The following MAGI2 variants were observed in gnomAD, a reference collection of about 807,000 sequenced individuals.
MAGI2 encodes membrane-associated guanylate kinase, WW and PDZ domain-containing protein 2.
In MAGI2, 35 loss-of-function variants were observed where a neutral mutation model predicts 133.3. The ratio of observed to expected loss-of-function variants is 0.26; its 90% CI spans 0.20 to 0.35. MAGI2 has a LOEUF of 0.35. Ranked by LOEUF, MAGI2 falls within the 10% of genes least tolerant of loss-of-function variation. The probability of loss-of-function intolerance (pLI) is 1.00; values close to 1 mark genes in which losing one functional copy is unlikely to be tolerated. For missense variants in MAGI2, 1,636 were observed against 1,863.4 expected (o/e 0.88, Z 2.25); for synonymous variants, 729 against 710.6 (o/e 1.03, Z -0.41).
chr7:78,587,458 A>G (rs749258558), intron 3 of MAGI2, among the ~76,000 whole-genome samples: 1 of 152,240 alleles, frequency 6.6e-6, no homozygotes, highest in Non-Finnish European at 1.5e-5. Context: ...CATTAAAAAA[A>G]AGTGGTTCAT....
intron 2 of MAGI2, among the ~76,000 whole-genome samples, chr7:78,798,688 C>G (rs1331835147): frequency 6.6e-6 from 1 of 152,106 alleles, no homozygotes; most frequent in Non-Finnish European, 1.5e-5. Context: ...ACGGCCCATT[C>G]CTTTCTTTGA....
chr7:78,682,911 G>A (rs1292145066), intron 2 of MAGI2, among the ~76,000 whole-genome samples: 1 of 152,114 alleles, frequency 6.6e-6, no homozygotes, highest in African/African-American at 2.4e-5. Flanking sequence ...ATGTAAAACT[G>A]TTTTGCTTTA....
At chr7:79,353,815 A>C (rs1318121723) in intron 1 of MAGI2, 1 of 223,642 alleles carries the variant, frequency 4.5e-6, no homozygotes, top group Non-Finnish European at 9.2e-6. Context: ...GGGTGCTGGC[A>C]GGGGGTGGTG....
Position 78,610,130 on chromosome 7 carries a change from C to A in MAGI2, c.538+16990G>T, listed in dbSNP as rs114703738. 2.5e-3 allele frequency among the ~76,000 whole-genome samples: 385 copies of A among 152,276 alleles called. 1 individual carries two copies. Among genetic ancestry groups the A allele is most frequent in the African/African-American group, 8.7e-3 (360 of 41,560 alleles). Reference sequence around the variant, plus strand: ...CTTGGCTATGGGAGAAATGGTACCACATATTGGATACTAATTCAGAGCATA... The same window carrying A: ...CTTGGCTATGGGAGAAATGGTACCAAATATTGGATACTAATTCAGAGCATA... On this transcript the variant is annotated intron_variant, in intron 3 of 21. Transcript: ENST00000354212.
chr7:78,777,906 C>T (rs539892090), intron 2 of MAGI2, among the ~76,000 whole-genome samples: 33 of 152,226 alleles, frequency 2.2e-4, no homozygotes, highest in African/African-American at 7.7e-4. Context: ...TTTCTAAGTC[C>T]TCTGAAGGTA....
intron 20 of MAGI2, among the ~76,000 whole-genome samples, chr7:78,113,033 T>C (rs1273591306): frequency 1.3e-5 from 2 of 151,854 alleles, no homozygotes; most frequent in African/African-American, 4.8e-5. Flanking sequence ...GGGAGCAACA[T>C]GTGCAAAAGC....
At chr7:78,236,200 C>T (rs1584505025) in intron 10 of MAGI2, among the ~76,000 whole-genome samples, 1 of 152,124 alleles carries the variant, frequency 6.6e-6, no homozygotes, top group East Asian at 1.9e-4. Flanking sequence ...ATATTTATAA[C>T]AGCACCTGGC....
chr7:78,234,739 AAG>A (rs71085518), intron 10 of MAGI2, among the ~76,000 whole-genome samples: 23,451 of 152,026 alleles, frequency 0.15, 2,316 homozygotes, highest in Middle Eastern at 0.26. Context: ...TTCAAAAAGT[AAG>A]AGCCAACTCA....
intron 2 of MAGI2, among the ~76,000 whole-genome samples, chr7:78,890,195 C>T (rs1796625722): frequency 1.3e-5 from 2 of 152,072 alleles, no homozygotes; most frequent in Admixed American, 1.3e-4. Flanking sequence ...AATATATTGG[C>T]ACCCAGTACA....
At chr7:78,662,602 A>G (rs1006166828) in intron 2 of MAGI2, among the ~76,000 whole-genome samples, 3 of 152,258 alleles carry the variant, frequency 2.0e-5, no homozygotes, top group Non-Finnish European at 2.9e-5. Flanking sequence ...CATTTATTTT[A>G]TAATGGAATT....
chr7:78,862,855 A>T (rs1794260052), intron 2 of MAGI2, among the ~76,000 whole-genome samples: 1 of 152,242 alleles, frequency 6.6e-6, no homozygotes, highest in Non-Finnish European at 1.5e-5. Flanking sequence ...ATACTTTACT[A>T]GAAGATGCCT....
chr7:79,258,247 C>T (rs933347933), intron 1 of MAGI2, among the ~76,000 whole-genome samples: 1 of 152,216 alleles, frequency 6.6e-6, no homozygotes, highest in African/African-American at 2.4e-5. Context: ...GTAATAGAGA[C>T]ACTTGCAAAG....
At chr7:78,171,088 C>A (rs890040197) in intron 14 of MAGI2, among the ~76,000 whole-genome samples, 3 of 152,190 alleles carry the variant, frequency 2.0e-5, no homozygotes, top group African/African-American at 7.2e-5. Context: ...GCATTTGGCA[C>A]CTTTGTGCAT....
chr7:78,797,134 G>A (rs1787682025), intron 2 of MAGI2, among the ~76,000 whole-genome samples: 1 of 152,098 alleles, frequency 6.6e-6, no homozygotes, highest in African/African-American at 2.4e-5. Flanking sequence ...GAGAAGAATT[G>A]TAATGTTCCC....
chr7:78,876,259 T>C (rs112693796), intron 2 of MAGI2, among the ~76,000 whole-genome samples: 33 of 143,158 alleles, frequency 2.3e-4, no homozygotes, highest in African/African-American at 7.7e-4. Context: ...GAGGTGGACA[T>C]TGTAGTGAGC....
intron 1 of MAGI2, among the ~76,000 whole-genome samples, chr7:79,288,110 TC>T: frequency 6.6e-6 from 1 of 152,190 alleles, no homozygotes; most frequent in Admixed American, 6.5e-5. Flanking sequence ...ATAACTGTTT[TC>T]TAACTTGCTA....
chr7:78,187,445 G>A (rs187162671), intron 12 of MAGI2, among the ~76,000 whole-genome samples: 114 of 152,214 alleles, frequency 7.5e-4, no homozygotes, highest in Admixed American at 5.4e-3. Flanking sequence ...AATGTTTTAA[G>A]ATGACATAAT....
chr7:78,498,670 T>C (rs983619188), intron 5 of MAGI2, among the ~76,000 whole-genome samples: 1 of 152,164 alleles, frequency 6.6e-6, no homozygotes, highest in Non-Finnish European at 1.5e-5. Flanking sequence ...CTGCCCGCTC[T>C]GTGATACCTG....
chr7:79,144,537 C>T (rs529378668), intron 1 of MAGI2, among the ~76,000 whole-genome samples: 9 of 152,228 alleles, frequency 5.9e-5, no homozygotes, highest in South Asian at 4.1e-4. Flanking sequence ...TCTGTAAAGT[C>T]GGCAGAATTG....
Sources: gnomAD v4.1 joint callset for allele counts (sites outside exome capture counted in the v4.1 genomes callset) on GRCh38, gnomAD v4.1.1 for gene constraint, MANE v1.5 for transcripts, NCBI Gene and HGNC (gene_info 2026-07-23, HGNC 2026-07-21) for gene names.